SLC4A10: variants seen among roughly 807,000 people sequenced by gnomAD.
SLC4A10 encodes the protein solute carrier family 4 member 10.
In SLC4A10, 42 loss-of-function variants were observed where a neutral mutation model predicts 137.7. The ratio of observed to expected loss-of-function variants is 0.30; its 90% CI spans 0.24 to 0.39. The LOEUF (loss-of-function observed/expected upper bound fraction) is 0.39, where lower values mean the gene tolerates loss of function less well. Ranked by LOEUF, SLC4A10 falls within the 10% of genes least tolerant of loss-of-function variation. The probability of loss-of-function intolerance (pLI) is 1.00; values close to 1 mark genes in which losing one functional copy is unlikely to be tolerated. For synonymous variants in SLC4A10, 474 were observed against 464.1 expected, an observed-to-expected ratio of 1.02 and a Z score of -0.27; for missense variants, 925 against 1,355.0, an observed-to-expected ratio of 0.68 and a Z score of 4.98.
chr2:161,893,581 C>T (rs1420779985), intron 10 of SLC4A10, among the ~76,000 whole-genome samples: 2 of 151,986 alleles, frequency 1.3e-5, no homozygotes, highest in African/African-American at 2.4e-5. Flanking sequence ...CACCTGTAGT[C>T]CCAGCTACTT....
intron 5 of SLC4A10, among the ~76,000 whole-genome samples, chr2:161,860,286 T>C (rs533432240): frequency 4.9e-4 from 75 of 152,190 alleles, no homozygotes; most frequent in Non-Finnish European, 8.7e-4. Flanking sequence ...AAAAATCTTA[T>C]CTTTGAAAAA....
chr2:161,699,191 TG>T (rs1222997207), intron 1 of SLC4A10, among the ~76,000 whole-genome samples: 2 of 152,030 alleles, frequency 1.3e-5, no homozygotes, highest in Non-Finnish European at 2.9e-5. Context: ...GCTAATTTTT[TG>T]TATTTTTTTA....
intron 1 of SLC4A10, among the ~76,000 whole-genome samples, chr2:161,704,807 T>A (rs2043481271): frequency 6.6e-6 from 1 of 151,684 alleles, no homozygotes; most frequent in African/African-American, 2.4e-5. Context: ...AAACTTTCTC[T>A]TATTGTTTCT....
chr2:161,968,815 A>C (rs905408148), intron 23 of SLC4A10, among the ~76,000 whole-genome samples: 2 of 152,202 alleles, frequency 1.3e-5, no homozygotes, highest in Non-Finnish European at 2.9e-5. Context: ...TGGTCACTAA[A>C]GACATTAGGA....
In SLC4A10 at chr2:161,965,126, T is replaced by G. The variant is rs1175277736; in HGVS notation, c.3112T>G (p.Leu1038Val). 1.2e-6 allele frequency: 2 copies of G among 1,612,624 alleles called. No homozygotes were observed. The highest frequency in any genetic ancestry group is 4.5e-5 in the East Asian group (2 of 44,786). ...GCGGGAACTCAGCTGGTTGGATGAT[T>G]TGATGCCCGAGAGTAAGAAAAAGAA... is the stretch of plus-strand genomic sequence containing the variant. Reference protein sequence around the residue: ...TKRELSWLDDLMPESKKKKLE... With the variant: ...TKRELSWLDDVMPESKKKKLE... Residue 1038 changes from leucine (L) to valine (V), a missense_variant, in exon 23 of 27, where the codon TTG becomes GTG. Coordinates refer to ENST00000446997, the MANE Select transcript of SLC4A10 (RefSeq NM_001178015.2).
At chr2:161,680,936 A>T (rs921035923) in intron 1 of SLC4A10, among the ~76,000 whole-genome samples, 1 of 152,134 alleles carries the variant, frequency 6.6e-6, no homozygotes, top group East Asian at 1.9e-4. Flanking sequence ...AGAGGAAGAG[A>T]TAGATATAAG....
chr2:161,906,825 C>G (rs534939068), intron 15 of SLC4A10, among the ~76,000 whole-genome samples: 1 of 152,016 alleles, frequency 6.6e-6, no homozygotes, highest in African/African-American at 2.4e-5. Flanking sequence ...GAGGCCGAGG[C>G]GGGCGGATCA....
At chr2:161,680,119 C>T (rs937297233) in intron 1 of SLC4A10, among the ~76,000 whole-genome samples, 1 of 152,084 alleles carries the variant, frequency 6.6e-6, no homozygotes, top group African/African-American at 2.4e-5. Flanking sequence ...AAAACCATTT[C>T]GGATCCACCA....
At chr2:161,669,637 TGTG>T (rs1259066211) in intron 1 of SLC4A10, among the ~76,000 whole-genome samples, 2 of 152,050 alleles carry the variant, frequency 1.3e-5, no homozygotes, top group African/African-American at 2.4e-5. Flanking sequence ...AATAAAATCA[TGTG>T]GTATATAAAC....
At chr2:161,879,718 G>A (rs750736735) in intron 9 of SLC4A10, among the ~76,000 whole-genome samples, 2 of 151,920 alleles carry the variant, frequency 1.3e-5, no homozygotes, top group African/African-American at 2.4e-5. Flanking sequence ...GAATAAGAAG[G>A]CCTTCAAAAT....
At position 161,894,691 on chromosome 2, in the gene SLC4A10, G is replaced by A. The variant is rs61750845; in HGVS notation, c.1207G>A (p.Val403Ile). The change falls in exon 11 of 27, where the codon GTT (valine) becomes ATT (isoleucine). Residue 403 changes from valine (V) to isoleucine (I), a missense_variant. Physicochemically the swap from Val to Ile is conservative, Grantham distance 29 (BLOSUM62 3). Transcript: ENST00000446997. ...TLMTDEVFHD[V>I]AYKAKDRNDL... ...ATTTCTTCTAAAGGTATTTCATGAT[G>A]TTGCCTATAAAGCTAAAGATCGTAA... 1.1e-5 allele frequency: 16 copies of A among 1,407,362 alleles called. No individual in the cohort carries two copies. The highest frequency in any genetic ancestry group is 1.5e-5 in the Non-Finnish European group (16 of 1,072,100). The allele number at this position is 1,407,362 out of a possible 1,614,324, so 87.2% of individuals were successfully genotyped here. A position where few individuals can be genotyped will look rare whatever the true frequency, so the allele number is the denominator to read the frequency against.
intron 1 of SLC4A10, among the ~76,000 whole-genome samples, chr2:161,707,277 TTA>T (rs2043776852): frequency 6.6e-6 from 1 of 151,436 alleles, no homozygotes; most frequent in South Asian, 2.1e-4. Context: ...GCCCAGTTTC[TTA>T]AGACTCATTG....
chr2:161,650,224 T>A (rs570095216), intron 1 of SLC4A10, among the ~76,000 whole-genome samples: 5 of 152,268 alleles, frequency 3.3e-5, no homozygotes, highest in African/African-American at 7.2e-5. Flanking sequence ...TTGTAGAATG[T>A]TCCTTGATTC....
At chr2:161,753,947 T>C (rs754207412) in intron 1 of SLC4A10, among the ~76,000 whole-genome samples, 1 of 151,746 alleles carries the variant, frequency 6.6e-6, no homozygotes, top group Non-Finnish European at 1.5e-5. Flanking sequence ...TGGAGTGCAG[T>C]GGCGCAATCT....
intron 26 of SLC4A10, 40 bp from the exon 27 acceptor site, chr2:161,983,139 G>A: frequency 6.6e-7 from 1 of 1,520,698 alleles, no homozygotes; most frequent in East Asian, 2.5e-5. Context: ...TAGCCATGCT[G>A]GATTGCAGTA....
intron 1 of SLC4A10, among the ~76,000 whole-genome samples, chr2:161,652,816 A>G (rs1175475523): frequency 1.4e-5 from 2 of 147,320 alleles, no homozygotes; most frequent in African/African-American, 5.0e-5. Context: ...CCTAATTGAC[A>G]TTTATAGAAT....
intron 1 of SLC4A10, among the ~76,000 whole-genome samples, chr2:161,643,858 A>G (rs558384384): frequency 6.6e-6 from 1 of 152,266 alleles, no homozygotes; most frequent in African/African-American, 2.4e-5. Context: ...AACAAATAGC[A>G]ATCTATTAGG....
chr2:161,692,221 T>C (rs1430674877), intron 1 of SLC4A10, among the ~76,000 whole-genome samples: 2 of 152,076 alleles, frequency 1.3e-5, no homozygotes, highest in African/African-American at 4.8e-5. Flanking sequence ...CTCTGCCTTT[T>C]TATAAATTAG....
intron 2 of SLC4A10, among the ~76,000 whole-genome samples, chr2:161,798,289 T>C (rs577920502): frequency 6.6e-6 from 1 of 152,100 alleles, no homozygotes; most frequent in South Asian, 2.1e-4. Flanking sequence ...CTGTAGCAAC[T>C]CAGTCATTAT....
Sources: gnomAD v4.1 joint callset for allele counts (sites outside exome capture counted in the v4.1 genomes callset) on GRCh38, gnomAD v4.1.1 for gene constraint, MANE v1.5 for transcripts, NCBI Gene and HGNC (gene_info 2026-07-23, HGNC 2026-07-21) for gene names.